Variants in HTR3B observed in about 807,000 individuals in gnomAD.
The protein encoded by HTR3B is 5-hydroxytryptamine (serotonin) receptor 3B, ionotropic.
Under a neutral mutation model 42.8 loss-of-function variants are expected in HTR3B, and 44 were observed. The ratio of observed to expected loss-of-function variants is 1.03; its 90% CI spans 0.81 to 1.32. The LOEUF (loss-of-function observed/expected upper bound fraction) is 1.32. HTR3B is among the 40% of genes most tolerant of loss of function. The pLI is 0.00. For missense variants in HTR3B, 527 were observed against 536.5 expected, an observed-to-expected ratio of 0.98 and a Z score of 0.17; for synonymous variants, 203 against 209.0, an observed-to-expected ratio of 0.97 and a Z score of 0.25.
At chr11:113,925,871 T>G (rs1392311035) in intron 2 of HTR3B, among the ~76,000 whole-genome samples, 6 of 152,204 alleles carry the variant, frequency 3.9e-5, no homozygotes, top group Non-Finnish European at 8.8e-5. Flanking sequence ...CAGGTTTTTT[T>G]GAGATTTAAT....
At chr11:113,945,105 GAA>G (rs946159012) in intron 8 of HTR3B, among the ~76,000 whole-genome samples, 2 of 151,724 alleles carry the variant, frequency 1.3e-5, no homozygotes, top group African/African-American at 4.8e-5. Flanking sequence ...GCGCTCAGCT[GAA>G]AGTCTAATTT....
chr11:113,933,570 A>G (rs527869114), intron 6 of HTR3B, among the ~76,000 whole-genome samples: 1 of 152,210 alleles, frequency 6.6e-6, no homozygotes, highest in Non-Finnish European at 1.5e-5. Flanking sequence ...ATCTTAAGGG[A>G]TTAGCCAATA....
chr11:113,906,903 C>CA (rs1337651147), intron 1 of HTR3B, among the ~76,000 whole-genome samples: 1 of 152,164 alleles, frequency 6.6e-6, no homozygotes, highest in African/African-American at 2.4e-5. Flanking sequence ...AGTCAGCATT[C>CA]AATTAGTGTT....
rs147875299 is a variant in HTR3B at position 113,917,940 on chromosome 11, T to C, written c.213+8485T>C. Among the ~76,000 whole-genome samples the C allele has an allele frequency of 7.2e-3, 1,099 of 152,324 alleles. 3 individuals are homozygous for C. Among genetic ancestry groups the C allele is most frequent in the Non-Finnish European group, 0.012 (813 of 68,024 alleles). On this transcript the variant is annotated intron_variant, in intron 2 of 8. Transcript: ENST00000260191. ...TAATGAACAGATCCTTTTACTGTTA[T>C]GAAACGCTCCACTTCATCTCTGATA...
At chr11:113,899,063 G>A in the HTR3B span, among the ~76,000 whole-genome samples, 1 of 152,134 alleles carries the variant, frequency 6.6e-6, no homozygotes, top group Admixed American at 6.5e-5. Flanking sequence ...AGCAAGCGAT[G>A]AAGCTAGGAT....
At chr11:113,941,187 G>T (rs1042562964) in intron 6 of HTR3B, among the ~76,000 whole-genome samples, 1 of 152,222 alleles carries the variant, frequency 6.6e-6, no homozygotes, top group Non-Finnish European at 1.5e-5. Flanking sequence ...GATTTCAAAT[G>T]TCATTTTTGT....
In HTR3B at chr11:113,933,002, T is replaced by C. The variant is rs752796046; in HGVS notation, c.605T>C (p.Leu202Ser). 9 of 1,614,142 alleles carry C rather than the reference T, an allele frequency of 5.6e-6. No individual in the cohort carries two copies. The South Asian group carries it at 9.9e-5, about 18-fold the overall frequency. The change falls in exon 6 of 9, where the codon TTG becomes TCG. Residue 202 changes from leucine to serine, a missense_variant. Coordinates refer to ENST00000260191, the MANE Select transcript of HTR3B (RefSeq NM_006028.5). ...ATTCAGCATGACAAAAAGGCGTTTTTGAATGACAGTGAGTGGGAACTTCTA... is the reference window on the plus strand; with the variant it reads ...ATTCAGCATGACAAAAAGGCGTTTTCGAATGACAGTGAGTGGGAACTTCTA... ...EDIQHDKKAF[L>S]NDSEWELLSV...
At chr11:113,916,394 T>C (rs188876218) in intron 2 of HTR3B, among the ~76,000 whole-genome samples, 3 of 152,364 alleles carry the variant, frequency 2.0e-5, no homozygotes, top group South Asian at 4.1e-4. Context: ...CTCTGTTCTA[T>C]TCAACTAATC....
At chr11:113,906,770 A>G (rs1454419276) in intron 1 of HTR3B, among the ~76,000 whole-genome samples, 1 of 152,168 alleles carries the variant, frequency 6.6e-6, no homozygotes, top group Non-Finnish European at 1.5e-5. Context: ...CACTATGCCA[A>G]TAGTCCCTCA....
chr11:113,917,171 C>A (rs1050599451), intron 2 of HTR3B, among the ~76,000 whole-genome samples: 2 of 149,218 alleles, frequency 1.3e-5, no homozygotes, highest in African/African-American at 2.5e-5. Context: ...TCACTCTTGT[C>A]CCCCAGGCTG....
intron 2 of HTR3B, among the ~76,000 whole-genome samples, chr11:113,924,500 C>T (rs184170632): frequency 1.3e-5 from 2 of 152,042 alleles, no homozygotes; most frequent in South Asian, 4.2e-4. Flanking sequence ...TGTTGCACAT[C>T]TCTGGTCCCA....
At position 113,943,093 on chromosome 11, in the gene HTR3B, A is replaced by G. The variant is rs1378903173; in HGVS notation, c.808A>G (p.Arg270Gly). 1 of 1,614,116 alleles carries G rather than the reference A, an allele frequency of 6.2e-7. No individual in the cohort carries two copies. The highest frequency in any genetic ancestry group is 8.5e-7 in the Non-Finnish European group (1 of 1,180,012). Residue 270 changes from arginine (R) to glycine (G), a missense_variant, in exon 7 of 9, where the codon AGG becomes GGG. Transcript: ENST00000260191. Reference protein sequence around the residue: ...SFYLPPNCRARIVFKTSVLVG... With the variant: ...SFYLPPNCRAGIVFKTSVLVG... ...CTACCTGCCACCCAACTGCCGAGCC[A>G]GGATTGTGTTCAAGACCAGTGTGCT...
intron 2 of HTR3B, among the ~76,000 whole-genome samples, chr11:113,913,573 G>A (rs946163047): frequency 2.0e-4 from 31 of 151,626 alleles, no homozygotes; most frequent in Non-Finnish European, 3.4e-4. Flanking sequence ...GGAGTGCAAT[G>A]GCGCAATCTC....
At chr11:113,909,545 T>C in intron 2 of HTR3B, 90 bp downstream of exon 2, 1 of 1,077,186 alleles carries the variant, frequency 9.3e-7, no homozygotes, top group Middle Eastern at 2.1e-4. Context: ...GTTATATTCT[T>C]GAGATTGTAG....
chr11:113,899,426 T>A, the HTR3B span, among the ~76,000 whole-genome samples: 1 of 152,172 alleles, frequency 6.6e-6, no homozygotes, highest in Admixed American at 6.6e-5. Context: ...TCTGCTTTTT[T>A]CCTCCAGCCT....
rs377061525 is a variant in HTR3B at position 113,948,602 on chromosome 11, G to A, written c.*2465G>A. Among the ~76,000 whole-genome samples the A allele has an allele frequency of 9.8e-5, 15 of 152,348 alleles. No individual in the cohort carries two copies. The highest frequency in any genetic ancestry group is 4.1e-4 in the South Asian group (2 of 4,828). Reference sequence around the variant, plus strand: ...TAAATAATGGGGCGTGGTGGCTCACGCCTATAATCCCAACACTTTGGGAGG... The same window carrying A: ...TAAATAATGGGGCGTGGTGGCTCACACCTATAATCCCAACACTTTGGGAGG... On this transcript the variant is annotated 3_prime_UTR_variant, in exon 9 of 9. Transcript: ENST00000260191.
At chr11:113,923,981 C>CT (rs905054070) in intron 2 of HTR3B, among the ~76,000 whole-genome samples, 171 of 152,164 alleles carry the variant, frequency 1.1e-3, no homozygotes, top group African/African-American at 3.9e-3. Flanking sequence ...CAAGCTAAGG[C>CT]ATCAATATGG....
intron 2 of HTR3B, among the ~76,000 whole-genome samples, chr11:113,920,605 A>C (rs934558681): frequency 2.3e-4 from 34 of 148,988 alleles, no homozygotes; most frequent in African/African-American, 7.7e-4. Context: ...AACTCCTGAC[A>C]TTGAGTGATC....
intron 2 of HTR3B, among the ~76,000 whole-genome samples, chr11:113,911,419 G>A (rs923132129): frequency 1.3e-5 from 2 of 151,530 alleles, no homozygotes; most frequent in African/African-American, 4.9e-5. Flanking sequence ...TAGTAGAGAT[G>A]GGGTTTCACC....
Sources: gnomAD v4.1 joint callset for allele counts (sites outside exome capture counted in the v4.1 genomes callset) on GRCh38, gnomAD v4.1.1 for gene constraint, MANE v1.5 for transcripts, NCBI Gene and HGNC (gene_info 2026-07-23, HGNC 2026-07-21) for gene names.